NIBAN2: variants seen among roughly 807,000 people sequenced by gnomAD.
The protein encoded by NIBAN2 is niban apoptosis regulator 2, also known as protein Niban 2.
In NIBAN2, 36 loss-of-function variants were observed where a neutral mutation model predicts 81.8. The observed-to-expected ratio is 0.44, with a 90% CI of 0.34 to 0.58. NIBAN2 has a LOEUF of 0.58. Among genes scored for constraint, NIBAN2 ranks in the 20% least tolerant of loss-of-function variants. NIBAN2 has a pLI of 0.02. For synonymous variants in NIBAN2, 445 were observed against 441.6 expected (o/e 1.01, Z -0.10); for missense variants, 897 against 1,014.1 (o/e 0.88, Z 1.57).
At chr9:127,518,003 C>A in intron 5 of NIBAN2, 62 bp from the exon 6 acceptor site, 1 of 1,097,118 alleles carries the variant, frequency 9.1e-7, no homozygotes, top group African/African-American at 1.6e-5. Flanking sequence ...CTACCAAGAC[C>A]AACTGAGAAC....
At position 127,508,935 on chromosome 9, in the gene NIBAN2, G is replaced by A; in HGVS notation, c.1317+41C>T. ...TGGGCGAGGGGGCCTGTGGAAGGCA[G>A]TGGACAGGGTGTGGGGTGGGGGTCG... On this transcript the variant is annotated intron_variant, in intron 10 of 13. Coordinates refer to ENST00000373312, the MANE Select transcript of NIBAN2 (RefSeq NM_022833.4). The surrounding 1 kb of genome is among the most constrained non-coding windows in gnomAD (Gnocchi z 6.4). 2.5e-6 allele frequency: 4 copies of A among 1,611,380 alleles called. No homozygotes were observed. Among genetic ancestry groups the A allele is most frequent in the East Asian group, 2.2e-5 (1 of 44,856 alleles).
chr9:127,510,064 C>T (rs754799436), intron 9 of NIBAN2, 82 bp downstream of exon 9: 10 of 1,338,324 alleles, frequency 7.5e-6, no homozygotes, highest in South Asian at 2.9e-5. Context: ...AACGGCTGCC[C>T]GGAGTCACGC....
intron 1 of NIBAN2, among the ~76,000 whole-genome samples, chr9:127,555,466 G>T (rs1837649724): frequency 6.6e-6 from 1 of 152,248 alleles, no homozygotes; most frequent in Admixed American, 6.5e-5. Context: ...CCCGAAGCCA[G>T]CCCGCCCACC....
rs1282467678 is a variant in NIBAN2, at chr9:127,559,068, G to A, written c.55+9752C>T. Among the ~76,000 whole-genome samples, 4 of 152,200 alleles carry A rather than the reference G, an allele frequency of 2.6e-5. No homozygotes were observed. Among genetic ancestry groups the A allele is most frequent in the African/African-American group, 7.2e-5 (3 of 41,462 alleles). ...GACACGCTGCCTCTTGAGATGGGCC[G>A]ACTGAGTGCTGAAACCAACATACAC... On this transcript the variant is annotated intron_variant, in intron 1 of 13. Coordinates refer to ENST00000373312, the MANE Select transcript of NIBAN2 (RefSeq NM_022833.4). The surrounding 1 kb of genome is among the most constrained non-coding windows in gnomAD (Gnocchi z 4.0).
intron 1 of NIBAN2, among the ~76,000 whole-genome samples, chr9:127,544,092 CT>C (rs1275643115): frequency 2.6e-5 from 4 of 152,192 alleles, no homozygotes; most frequent in Admixed American, 2.0e-4. Flanking sequence ...TCAAACTGTG[CT>C]GGAAGAGAGA....
chr9:127,515,331 T>C (rs759022725), intron 8 of NIBAN2, among the ~76,000 whole-genome samples: 174 of 152,006 alleles, frequency 1.1e-3, no homozygotes, highest in Non-Finnish European at 1.4e-3. Flanking sequence ...CCATCCTGGC[T>C]AACACGGTGA....
intron 1 of NIBAN2, among the ~76,000 whole-genome samples, chr9:127,558,803 C>T (rs1256530905): frequency 6.6e-6 from 1 of 152,238 alleles, no homozygotes; most frequent in East Asian, 1.9e-4. Context: ...AAATCTCTGA[C>T]AGGCCGGGCA....
chr9:127,511,518 A>C (rs1386719976), intron 8 of NIBAN2, among the ~76,000 whole-genome samples: 1 of 151,840 alleles, frequency 6.6e-6, no homozygotes, highest in Non-Finnish European at 1.5e-5. Context: ...AAAAAAAAAA[A>C]CCACTGGGGG....
chr9:127,514,152 C>A (rs1056553984), intron 8 of NIBAN2, among the ~76,000 whole-genome samples: 3 of 151,796 alleles, frequency 2.0e-5, no homozygotes, highest in African/African-American at 7.3e-5. Context: ...GCCTGTAATC[C>A]CAGCTACTTG....
chr9:127,552,313 C>T (rs888179211), intron 1 of NIBAN2, among the ~76,000 whole-genome samples: 2 of 152,232 alleles, frequency 1.3e-5, no homozygotes, highest in Non-Finnish European at 2.9e-5. Flanking sequence ...TGGCTCATGC[C>T]TGTAATCGCA....
chr9:127,525,262 G>C, intron 3 of NIBAN2, 99 bp from the exon 4 acceptor site: 1 of 770,922 alleles, frequency 1.3e-6, no homozygotes, highest in Non-Finnish European at 2.2e-6. Flanking sequence ...CCAAAGTGGG[G>C]AGGAGAAGGG....
chr9:127,510,187 G>A lies in NIBAN2; in HGVS notation c.1120C>T (p.Leu374=). The change falls in exon 9 of 14, where the codon CTG becomes TTG. Residue 374 remains leucine, a synonymous_variant. Coordinates refer to ENST00000373312, the MANE Select transcript of NIBAN2 (RefSeq NM_022833.4). ...ATGCCGCCCTCGTTGATGACGTTCA[G>A]GTTCATGTCCGTGACCTCCTTGAAG... ...VFFKEVTDMN[L]NVINEGGIDK... is the part of the protein sequence containing the mutation. 1 of 1,614,006 alleles carries A rather than the reference G, an allele frequency of 6.2e-7. No individual in the cohort carries two copies. Among genetic ancestry groups the A allele is most frequent in the Non-Finnish European group, 8.5e-7 (1 of 1,179,906 alleles).
chr9:127,578,846 A>G, intron 1 of NIBAN2: 9 of 1,390,542 alleles, frequency 6.5e-6, no homozygotes, highest in Non-Finnish European at 9.1e-6. Flanking sequence ...GACAGAGCAA[A>G]ACCTCCTCTC....
intron 1 of NIBAN2, among the ~76,000 whole-genome samples, chr9:127,553,273 C>G (rs1330483533): frequency 6.6e-6 from 1 of 152,208 alleles, no homozygotes; most frequent in Non-Finnish European, 1.5e-5. Flanking sequence ...GCTGTGAGAA[C>G]CTGACCTTTG....
At chr9:127,556,806 G>A (rs1345222351) in intron 1 of NIBAN2, among the ~76,000 whole-genome samples, 2 of 151,218 alleles carry the variant, frequency 1.3e-5, no homozygotes, top group African/African-American at 4.9e-5. Context: ...TGGGCGTGGT[G>A]GCTCAAACAC....
chr9:127,554,657 T>C (rs895223723), intron 1 of NIBAN2, among the ~76,000 whole-genome samples: 2 of 148,930 alleles, frequency 1.3e-5, no homozygotes, highest in Middle Eastern at 3.5e-3. Context: ...GCCTCCCAAG[T>C]TAAAGCAATC....
intron 4 of NIBAN2, 46 bp downstream of exon 4, chr9:127,525,012 A>G: frequency 6.8e-7 from 1 of 1,473,858 alleles, no homozygotes; most frequent in Non-Finnish European, 9.5e-7. Flanking sequence ...GGCCAGCTCC[A>G]GATGCCTGTG....
chr9:127,554,629 T>C lies in NIBAN2; in HGVS notation c.55+14191A>G, dbSNP rs147381912. 5.5e-3 allele frequency among the ~76,000 whole-genome samples: 803 copies of C among 147,058 alleles called. 15 individuals carry two copies. In the East Asian group the frequency reaches 0.069, roughly 13 times the overall value. On this transcript the variant is annotated intron_variant, in intron 1 of 13. Coordinates refer to ENST00000373312, the MANE Select transcript of NIBAN2 (RefSeq NM_022833.4). ...AGGCTGGAGTGCTATGGCACGATCTTGGCTCACTGCAATCTCAGCCTCCCA... is the reference window on the plus strand; with the variant it reads ...AGGCTGGAGTGCTATGGCACGATCTCGGCTCACTGCAATCTCAGCCTCCCA...
At chr9:127,576,174 G>T (rs1214417688) in intron 1 of NIBAN2, among the ~76,000 whole-genome samples, 2 of 152,162 alleles carry the variant, frequency 1.3e-5, no homozygotes, top group African/African-American at 4.8e-5. Context: ...CACTGGAGGG[G>T]AACGTGACAG....
Sources: allele counts gnomAD v4.1 joint callset (sites outside exome capture counted in the v4.1 genomes callset), GRCh38; gene constraint gnomAD v4.1.1; non-coding constraint Gnocchi (gnomAD v3.1); transcripts MANE v1.5; gene names NCBI Gene and HGNC (gene_info 2026-07-23, HGNC 2026-07-21).